Variants in CEP128 observed in about 807,000 individuals in gnomAD.
CEP128 encodes centrosomal protein 128, also known as centrosomal protein 128kDa.
In CEP128, 132 loss-of-function variants were observed where a neutral mutation model predicts 156.7. That is an observed-to-expected ratio of 0.84 (90% CI 0.73 to 0.97). The LOEUF is 0.97. CEP128 is among the 50% of genes least tolerant of loss of function. The probability of loss-of-function intolerance (pLI) is 0.00; values close to 1 mark genes in which losing one functional copy is unlikely to be tolerated. For synonymous variants in CEP128, 469 were observed against 448.9 expected, an observed-to-expected ratio of 1.04 and a Z score of -0.57; for missense variants, 1,252 against 1,281.9, an observed-to-expected ratio of 0.98 and a Z score of 0.36.
chr14:80,732,850 A>C lies in CEP128; in HGVS notation c.2806+10225T>G, dbSNP rs920041421. Among the ~76,000 whole-genome samples, 9 of 152,100 alleles carry C rather than the reference A, an allele frequency of 5.9e-5. No homozygotes were observed. The South Asian group carries it at 1.9e-3, about 31-fold the overall frequency. Reference sequence around the variant, plus strand: ...CAGAAGACACAGACTACAGGTTAGGAAGATCATGCAAGTAAGATGCTTCTG... The same window carrying C: ...CAGAAGACACAGACTACAGGTTAGGCAGATCATGCAAGTAAGATGCTTCTG... On this transcript the variant is annotated intron_variant, in intron 19 of 24. Coordinates refer to ENST00000555265, the MANE Select transcript of CEP128 (RefSeq NM_152446.5).
chr14:80,794,670 T>A (rs532289536), intron 13 of CEP128, among the ~76,000 whole-genome samples: 1 of 152,280 alleles, frequency 6.6e-6, no homozygotes, highest in Non-Finnish European at 1.5e-5. Context: ...TCATCAAGCA[T>A]ATGGTTTATA....
At chr14:80,545,696 G>T (rs1415734808) in intron 21 of CEP128, among the ~76,000 whole-genome samples, 1 of 152,116 alleles carries the variant, frequency 6.6e-6, no homozygotes, top group African/African-American at 2.4e-5. Context: ...AAAAAATACT[G>T]GGGAGAGAAG....
At chr14:80,520,721 C>CA (rs1888702349) in intron 23 of CEP128, among the ~76,000 whole-genome samples, 1 of 151,898 alleles carries the variant, frequency 6.6e-6, no homozygotes, top group African/African-American at 2.4e-5. Flanking sequence ...CAAGCATACT[C>CA]AAAAAAATGT....
intron 2 of CEP128, among the ~76,000 whole-genome samples, chr14:80,933,714 T>C (rs1001401773): frequency 2.0e-5 from 3 of 152,086 alleles, no homozygotes; most frequent in African/African-American, 7.2e-5. Flanking sequence ...ATCCAACAAA[T>C]ACGTCAAGTA....
rs183495484 is a variant in CEP128 at position 80,811,035 on chromosome 14, G to A, written c.1210-17925C>T. 1.9e-3 allele frequency among the ~76,000 whole-genome samples: 282 copies of A among 152,206 alleles called. 2 individuals carry two copies. Among genetic ancestry groups the A allele is most frequent in the African/African-American group, 6.3e-3 (262 of 41,528 alleles). On this transcript the variant is annotated intron_variant, in intron 13 of 24. Coordinates refer to ENST00000555265, the MANE Select transcript of CEP128 (RefSeq NM_152446.5). ...TTCCCAATCATAAGTGAGAATGTGCGGTGTTTGGTTTTTTGTTCCTGTGTT... is the reference window on the plus strand; with the variant it reads ...TTCCCAATCATAAGTGAGAATGTGCAGTGTTTGGTTTTTTGTTCCTGTGTT...
At chr14:80,550,720 C>T (rs1037858848) in intron 21 of CEP128, among the ~76,000 whole-genome samples, 31 of 149,602 alleles carry the variant, frequency 2.1e-4, no homozygotes, top group African/African-American at 7.4e-4. Context: ...GATCATAAAG[C>T]TCTGTGTTAT....
At chr14:80,598,497 C>T (rs2140518485) in intron 19 of CEP128, among the ~76,000 whole-genome samples, 1 of 152,232 alleles carries the variant, frequency 6.6e-6, no homozygotes, top group Admixed American at 6.5e-5. Flanking sequence ...ATAAGACGTA[C>T]TGTATTCATG....
At chr14:80,783,704 C>G (rs1031011370) in intron 15 of CEP128, among the ~76,000 whole-genome samples, 1 of 152,302 alleles carries the variant, frequency 6.6e-6, no homozygotes, top group South Asian at 2.1e-4. Flanking sequence ...GTATCTTCCA[C>G]ATTTGACCAT....
chr14:80,559,464 T>C (rs1890577879), intron 20 of CEP128, among the ~76,000 whole-genome samples, 162 bp from the exon 21 acceptor site: 2 of 152,092 alleles, frequency 1.3e-5, no homozygotes, highest in South Asian at 4.1e-4. Flanking sequence ...AACAGAAAAA[T>C]AGTCATCAAA....
intron 21 of CEP128, among the ~76,000 whole-genome samples, chr14:80,548,288 T>G (rs1890070474): frequency 6.6e-6 from 1 of 152,208 alleles, no homozygotes; most frequent in African/African-American, 2.4e-5. Flanking sequence ...TTTCCATCAT[T>G]TAAAACTATT....
At chr14:80,849,299 C>T (rs1886769226) in intron 9 of CEP128, among the ~76,000 whole-genome samples, 1 of 152,024 alleles carries the variant, frequency 6.6e-6, no homozygotes, top group African/African-American at 2.4e-5. Context: ...CAAACAAGTT[C>T]ACAGGTCAGG....
At chr14:80,579,477 T>A (rs1394913967) in intron 20 of CEP128, among the ~76,000 whole-genome samples, 3 of 152,210 alleles carry the variant, frequency 2.0e-5, no homozygotes, top group African/African-American at 7.2e-5. Flanking sequence ...TTTCTCTTAA[T>A]GGGTATACCA....
chr14:80,692,701 T>A (rs1566860346), intron 19 of CEP128, among the ~76,000 whole-genome samples: 1 of 152,130 alleles, frequency 6.6e-6, no homozygotes, highest in African/African-American at 2.4e-5. Flanking sequence ...TTTCTAATTA[T>A]AAAAAGATAG....
chr14:80,781,688 G>A (rs1901129293), intron 15 of CEP128, among the ~76,000 whole-genome samples: 1 of 152,004 alleles, frequency 6.6e-6, no homozygotes, highest in Non-Finnish European at 1.5e-5. Flanking sequence ...AAGTAGGGAG[G>A]TTACTTAGAA....
At chr14:80,491,580 C>T (rs935728), downstream of CEP128, among the ~76,000 whole-genome samples, 41,117 of 152,002 alleles carry the variant, frequency 0.27, 6,411 homozygotes, top group Admixed American at 0.38. Flanking sequence ...ATAAATCAAG[C>T]CTGTATCTTC....
chr14:80,916,313 A>G (rs1884551585), intron 3 of CEP128, 88 bp downstream of exon 3: 1 of 1,049,240 alleles, frequency 9.5e-7, no homozygotes, highest in Non-Finnish European at 1.4e-6. Flanking sequence ...AATTTGTTAC[A>G]GCAGCAAGAA....
At chr14:80,705,555 G>T (rs79151528) in intron 19 of CEP128, among the ~76,000 whole-genome samples, 15 of 152,116 alleles carry the variant, frequency 9.9e-5, no homozygotes, top group African/African-American at 3.6e-4. Flanking sequence ...GGGAATGGGG[G>T]ATTCTGAGGA....
chr14:80,929,436 C>A (rs527537862), intron 2 of CEP128, among the ~76,000 whole-genome samples: 1 of 152,294 alleles, frequency 6.6e-6, no homozygotes, highest in South Asian at 2.1e-4. Flanking sequence ...TGTCACAGCA[C>A]AATTCACAAT....
At chr14:80,515,441 T>C (rs1888442232) in intron 23 of CEP128, among the ~76,000 whole-genome samples, 1 of 152,168 alleles carries the variant, frequency 6.6e-6, no homozygotes, top group Non-Finnish European at 1.5e-5. Flanking sequence ...CACTCTCCTT[T>C]CCTCATGCAG....
Sources: gnomAD v4.1 joint callset for allele counts (sites outside exome capture counted in the v4.1 genomes callset) on GRCh38, gnomAD v4.1.1 for gene constraint, MANE v1.5 for transcripts, NCBI Gene and HGNC (gene_info 2026-07-23, HGNC 2026-07-21) for gene names.